The following CSMD1 variants were observed in gnomAD, a reference collection of about 807,000 sequenced individuals.
CSMD1 encodes CUB and sushi domain-containing protein 1.
CSMD1 carries 213 observed loss-of-function variants against 417.5 expected under a neutral mutation model. The observed-to-expected ratio is 0.51, with a 90% CI of 0.46 to 0.57. The LOEUF is 0.57. Among genes scored for constraint, CSMD1 ranks in the 20% least tolerant of loss-of-function variants. The pLI is 0.00. For missense variants in CSMD1, 6,923 were observed against 4,529.7 expected, an observed-to-expected ratio of 1.53 and a Z score of -15.17; for synonymous variants, 2,862 against 1,736.8, an observed-to-expected ratio of 1.65 and a Z score of -16.11.
chr8:4,691,002 C>T lies in CSMD1; in HGVS notation c.86-53444G>A, dbSNP rs181988141. ...GTGGCCTCCCAAAGTGCTGGGATTA[C>T]AGGCATGAGCCACCGTGACTGGCCA... On this transcript the variant is annotated intron_variant, in intron 1 of 69. Coordinates refer to ENST00000635120, the MANE Select transcript of CSMD1 (RefSeq NM_033225.6). Among the ~76,000 whole-genome samples the T allele has an allele frequency of 3.2e-3, 488 of 152,336 alleles. 2 individuals carry two copies. Among genetic ancestry groups the T allele is most frequent in the African/African-American group, 0.011 (475 of 41,576 alleles).
At position 3,409,347 on chromosome 8, in the gene CSMD1, T is replaced by A. The variant is rs1812536929; in HGVS notation, c.1744+76A>T. 3 of 1,344,440 alleles carry A rather than the reference T, an allele frequency of 2.2e-6. No homozygotes were observed. The Admixed American group carries it at 7.5e-5, about 33-fold the overall frequency. The allele number at this position is 1,344,440 out of a possible 1,614,324, so 83.3% of individuals were successfully genotyped here. On this transcript the variant is annotated intron_variant, in intron 13 of 69. Coordinates refer to ENST00000635120, the MANE Select transcript of CSMD1 (RefSeq NM_033225.6). ...AGCTGCCCTCCCTAAATGGGCGGTC[T>A]GTGTCTTTCTCCTTTTCTCCCCTTG...
At chr8:4,777,607 CT>C (rs1382257146) in intron 1 of CSMD1, among the ~76,000 whole-genome samples, 2 of 152,162 alleles carry the variant, frequency 1.3e-5, no homozygotes, top group East Asian at 1.9e-4. Flanking sequence ...TGTACATACC[CT>C]TTGATTGTTT....
chr8:4,115,558 T>C (rs185457349), intron 3 of CSMD1, among the ~76,000 whole-genome samples: 25 of 152,342 alleles, frequency 1.6e-4, no homozygotes, highest in East Asian at 1.3e-3. Context: ...CATAATTTAT[T>C]ATTTGGCTAA....
At chr8:3,996,639 C>A (rs1815245217) in intron 5 of CSMD1, among the ~76,000 whole-genome samples, 1 of 152,070 alleles carries the variant, frequency 6.6e-6, no homozygotes, top group African/African-American at 2.4e-5. Context: ...AAGTTAAAGT[C>A]ATACAACCTA....
intron 4 of CSMD1, among the ~76,000 whole-genome samples, chr8:4,002,106 GACAA>G (rs1023081055): frequency 1.3e-4 from 20 of 152,026 alleles, no homozygotes; most frequent in African/African-American, 4.6e-4. Flanking sequence ...ACACATATAA[GACAA>G]ACAAAAAAAC....
At chr8:3,444,058 C>G (rs62505622) in intron 12 of CSMD1, among the ~76,000 whole-genome samples, 17,385 of 152,136 alleles carry the variant, frequency 0.11, 1,021 homozygotes, top group Middle Eastern at 0.16. Flanking sequence ...GAAATCTTGT[C>G]TCTTTGTTCT....
chr8:3,181,295 T>C lies in CSMD1; in HGVS notation c.5621-81A>G, dbSNP rs190186553. 1.9e-4 allele frequency: 183 copies of C among 946,546 alleles called. 1 individual carries two copies. Among genetic ancestry groups the C allele is most frequent in the Admixed American group, 1.4e-3 (67 of 46,904 alleles). The allele number at this position is 946,546 out of a possible 1,614,324, so 58.6% of individuals were successfully genotyped here. On this transcript the variant is annotated intron_variant, in intron 36 of 69. Transcript: ENST00000635120. ...AATATAAAACATATGAGAATACTTA[T>C]TAGGCTTACAAATCCCTACAGTTTG...
At chr8:3,681,169 G>C (rs936655109) in intron 7 of CSMD1, among the ~76,000 whole-genome samples, 2 of 152,144 alleles carry the variant, frequency 1.3e-5, no homozygotes, top group African/African-American at 2.4e-5. Flanking sequence ...ATTCAACATA[G>C]TGTTGGAAGT....
intron 2 of CSMD1, among the ~76,000 whole-genome samples, chr8:4,530,314 C>CTTTTTTTTTTGTTTTTTT (rs1796739843): frequency 2.1e-5 from 1 of 46,658 alleles, no homozygotes; most frequent in Non-Finnish European, 3.7e-5. Context: ...ACAGGTAGTG[C>CTTTTTTTTTTGTTTTTTT]TTTTTTTTTT....
intron 1 of CSMD1, among the ~76,000 whole-genome samples, chr8:4,822,457 C>G (rs1473917141): frequency 4.6e-5 from 7 of 152,010 alleles, no homozygotes; most frequent in African/African-American, 2.4e-5. Context: ...AAAATGTAAA[C>G]TGTCAGTTTA....
chr8:4,325,239 T>G (rs1799494981), intron 3 of CSMD1, among the ~76,000 whole-genome samples: 1 of 152,176 alleles, frequency 6.6e-6, no homozygotes, highest in Non-Finnish European at 1.5e-5. Context: ...GAACCAGGAA[T>G]GTGCGACTTT....
chr8:4,456,361 C>T (rs1204205969), intron 2 of CSMD1, among the ~76,000 whole-genome samples: 2 of 152,136 alleles, frequency 1.3e-5, no homozygotes, highest in African/African-American at 4.8e-5. Flanking sequence ...GGTAAAAATA[C>T]TGTATCTGTC....
intron 3 of CSMD1, among the ~76,000 whole-genome samples, chr8:4,053,729 C>G (rs143568287): frequency 1.3e-5 from 2 of 152,062 alleles, no homozygotes. Context: ...TGCTCCAGAA[C>G]TGGCTTCTTG....
At chr8:4,017,354 G>T (rs1441292167) in intron 4 of CSMD1, among the ~76,000 whole-genome samples, 1 of 152,144 alleles carries the variant, frequency 6.6e-6, no homozygotes, top group Non-Finnish European at 1.5e-5. Flanking sequence ...TGCCCAGGCT[G>T]GAGTGCAATG....
intron 3 of CSMD1, among the ~76,000 whole-genome samples, chr8:4,168,864 G>GACAC (rs1797606539): frequency 6.6e-6 from 1 of 152,010 alleles, no homozygotes; most frequent in African/African-American, 2.4e-5. Context: ...AGTTGCTTTA[G>GACAC]ACACGGTGAC....
chr8:4,861,532 A>G (rs1316531322), intron 1 of CSMD1, among the ~76,000 whole-genome samples: 2 of 152,118 alleles, frequency 1.3e-5, no homozygotes, highest in Non-Finnish European at 2.9e-5. Context: ...TATGGAGAAA[A>G]TGACATAGGT....
intron 5 of CSMD1, among the ~76,000 whole-genome samples, chr8:3,792,134 A>C (rs888266401): frequency 3.3e-5 from 5 of 152,106 alleles, no homozygotes; most frequent in Admixed American, 6.5e-5. Context: ...TCTCTACGAA[A>C]AGTTGAACAA....
At chr8:2,951,415 C>T in intron 65 of CSMD1, 140 bp from the exon 66 acceptor site, 1 of 828,688 alleles carries the variant, frequency 1.2e-6, no homozygotes, top group Non-Finnish European at 1.8e-6. Context: ...GAGCCTAGTG[C>T]ATCGCTGTTC....
intron 3 of CSMD1, among the ~76,000 whole-genome samples, chr8:4,130,167 T>C (rs994580811): frequency 6.6e-6 from 1 of 152,132 alleles, no homozygotes. Flanking sequence ...AGACCCAACA[T>C]CTTTTCCTTA....
Sources: gnomAD v4.1 joint callset for allele counts (sites outside exome capture counted in the v4.1 genomes callset) on GRCh38, gnomAD v4.1.1 for gene constraint, MANE v1.5 for transcripts, NCBI Gene and HGNC (gene_info 2026-07-23, HGNC 2026-07-21) for gene names.